TMEM100: variants seen among roughly 807,000 people sequenced by gnomAD.
The protein encoded by TMEM100 is transmembrane protein 100.
For synonymous variants in TMEM100, 61 were observed against 67.1 expected, an observed-to-expected ratio of 0.91 and a Z score of 0.44; for missense variants, 137 against 168.2, an observed-to-expected ratio of 0.81 and a Z score of 1.02.
chr17:55,731,290 G>A (rs544596300), intron 1 of TMEM100, among the ~76,000 whole-genome samples: 1 of 152,214 alleles, frequency 6.6e-6, no homozygotes, highest in Non-Finnish European at 1.5e-5. Flanking sequence ...CCTTTTTCTA[G>A]AATCTAGGTT....
At chr17:55,721,848 A>C (rs927022573) in intron 1 of TMEM100, 6 of 152,220 alleles carry the variant, frequency 3.9e-5, no homozygotes, top group Middle Eastern at 3.2e-3. Context: ...AGAAAAAAAA[A>C]TTCAACCCCT....
intron 1 of TMEM100, among the ~76,000 whole-genome samples, chr17:55,731,317 G>A (rs1444888164): frequency 6.6e-6 from 1 of 152,074 alleles, no homozygotes; most frequent in Non-Finnish European, 1.5e-5. Context: ...TGAGGTTTTG[G>A]ATCGCTTCCA....
intron 1 of TMEM100, among the ~76,000 whole-genome samples, chr17:55,729,866 T>G (rs1269729544): frequency 6.6e-6 from 1 of 152,180 alleles, no homozygotes; most frequent in African/African-American, 2.4e-5. Flanking sequence ...TATTTTAAAA[T>G]AAGCACTACA....
At chr17:55,727,443 GT>G (rs564453831), upstream of TMEM100, among the ~76,000 whole-genome samples, 8 of 150,530 alleles carry the variant, frequency 5.3e-5, no homozygotes, top group East Asian at 1.9e-4. Context: ...CACCATACTT[GT>G]TTTTTTTTCA....
chr17:55,720,754 C>G lies in TMEM100; in HGVS notation c.317G>C (p.Cys106Ser). 6.2e-7 allele frequency: 1 copy of G among 1,614,214 alleles called. No homozygotes were observed. Among genetic ancestry groups the G allele is most frequent in the Non-Finnish European group, 8.5e-7 (1 of 1,180,036 alleles). The change falls in exon 2 of 2, where the codon TGC becomes TCC. Residue 106 changes from cysteine to serine, a missense_variant. Transcript: ENST00000424486. ...GLFLLASSAL[C>S]WKVRQRSKKA... is the part of the protein sequence containing the mutation. ...CTTGCTCCTTTGTCTCACTTTCCAGCACAAGGCACTGGAGGCTAGTAAAAA... is the reference window on the plus strand; with the variant it reads ...CTTGCTCCTTTGTCTCACTTTCCAGGACAAGGCACTGGAGGCTAGTAAAAA...
chr17:55,721,313 G>A (rs1004250445), intron 1 of TMEM100, 178 bp from the exon 2 acceptor site: 5 of 454,826 alleles, frequency 1.1e-5, no homozygotes. Context: ...ATAAGATGAA[G>A]CAGATGCATA....
chr17:55,731,827 A>G (rs1186151641), exon 1 of TMEM100: 2 of 152,240 alleles, frequency 1.3e-5, no homozygotes, highest in Non-Finnish European at 2.9e-5. Flanking sequence ...CCCAAAGCCA[A>G]TGCAGTAAGG....
upstream of TMEM100, among the ~76,000 whole-genome samples, chr17:55,726,269 T>C (rs560651350): frequency 3.3e-5 from 5 of 151,394 alleles, no homozygotes; most frequent in South Asian, 6.3e-4. Flanking sequence ...AAAAATCTCA[T>C]TTTTTTTTCT....
Position 55,720,573 on chromosome 17 carries a change from G to A in TMEM100, c.*93C>T, listed in dbSNP as rs907698415. The A allele has an allele frequency of 1.5e-5, 16 of 1,091,960 alleles. No homozygotes were observed. Among genetic ancestry groups the A allele is most frequent in the Non-Finnish European group, 1.7e-5 (14 of 811,866 alleles). 67.6% of individuals were successfully genotyped at this position (1,091,960 alleles called of 1,614,324 possible). A position where few individuals can be genotyped will look rare whatever the true frequency, so the allele number is the denominator to read the frequency against. ...TTCTTCCAGTCTGCTCCAACGCCAAGTCTGTTCTCTCCCACCATGGTTCTG... is the reference window on the plus strand; with the variant it reads ...TTCTTCCAGTCTGCTCCAACGCCAAATCTGTTCTCTCCCACCATGGTTCTG... On this transcript the variant is annotated 3_prime_UTR_variant, in exon 2 of 2. Coordinates refer to ENST00000424486, the MANE Select transcript of TMEM100 (RefSeq NM_018286.3).
chr17:55,724,399 T>G (rs1258669812), upstream of TMEM100, among the ~76,000 whole-genome samples: 2 of 152,202 alleles, frequency 1.3e-5, no homozygotes, highest in Non-Finnish European at 2.9e-5. Flanking sequence ...TTGGTCACCA[T>G]GATCCTCACA....
At chr17:55,727,682 G>T (rs1412073416), upstream of TMEM100, 1 of 152,150 alleles carries the variant, frequency 6.6e-6, no homozygotes, top group Admixed American at 6.5e-5. Flanking sequence ...ATCTGATACT[G>T]GAAATTGGAA....
intron 1 of TMEM100, 189 bp from the exon 2 acceptor site, chr17:55,721,324 T>C (rs1908880303): frequency 4.7e-6 from 2 of 429,762 alleles, no homozygotes; most frequent in South Asian, 1.1e-4. Flanking sequence ...CAGATGCATA[T>C]GAAGGGAAGA....
At chr17:55,727,315 C>T (rs1322000164), upstream of TMEM100, among the ~76,000 whole-genome samples, 11 of 152,200 alleles carry the variant, frequency 7.2e-5, no homozygotes, top group Admixed American at 3.9e-4. Context: ...GCCCGAAGTT[C>T]GAGAGTTACC....
At chr17:55,727,702 C>T (rs1909106291), upstream of TMEM100, 2 of 152,204 alleles carry the variant, frequency 1.3e-5, no homozygotes, top group Admixed American at 6.5e-5. Flanking sequence ...AATCACCTCG[C>T]AACATGTAAA....
chr17:55,728,660 G>T (rs1195741751), intron 1 of TMEM100, among the ~76,000 whole-genome samples: 2 of 152,196 alleles, frequency 1.3e-5, no homozygotes, highest in African/African-American at 4.8e-5. Flanking sequence ...GCAAAGCATG[G>T]TCTCTGCTTT....
upstream of TMEM100, among the ~76,000 whole-genome samples, chr17:55,725,780 C>G (rs923161977): frequency 2.0e-5 from 3 of 148,388 alleles, no homozygotes; most frequent in Admixed American, 6.8e-5. Context: ...GAAAGGGCAT[C>G]AAGTTTGAGA....
chr17:55,731,083 C>A (rs1409535125), intron 1 of TMEM100, among the ~76,000 whole-genome samples: 1 of 152,174 alleles, frequency 6.6e-6, no homozygotes, highest in African/African-American at 2.4e-5. Context: ...TACATTTGTA[C>A]CCAGTTAATG....
In TMEM100 at chr17:55,720,938, C is replaced by G; in HGVS notation, c.133G>C (p.Ala45Pro). ...CAGGAGAGCTCGGTACCCCCTGTAGCAGCCATCAACTGAATCTCACTGACC... is the reference window on the plus strand; with the variant it reads ...CAGGAGAGCTCGGTACCCCCTGTAGGAGCCATCAACTGAATCTCACTGACC... ...PLVSEIQLMA[A>P]TGGTELSCYR... is the part of the protein sequence containing the mutation. Residue 45 changes from alanine to proline, a missense_variant, in exon 2 of 2, where the codon GCT becomes CCT. Ala to Pro is a conservative substitution (Grantham distance 27). Coordinates refer to ENST00000424486, the MANE Select transcript of TMEM100 (RefSeq NM_018286.3). The G allele has an allele frequency of 6.2e-7, 1 of 1,614,218 alleles. No individual in the cohort carries two copies. The highest frequency in any genetic ancestry group is 8.5e-7 in the Non-Finnish European group (1 of 1,180,034).
chr17:55,731,963 G>A (rs1244143510), exon 1 of TMEM100: 1 of 152,196 alleles, frequency 6.6e-6, no homozygotes, highest in African/African-American at 2.4e-5. Context: ...CGGAGACCTC[G>A]GTTCACAGTT....
Sources: gnomAD v4.1 joint callset for allele counts (sites outside exome capture counted in the v4.1 genomes callset) on GRCh38, gnomAD v4.1.1 for gene constraint, MANE v1.5 for transcripts, NCBI Gene and HGNC (gene_info 2026-07-23, HGNC 2026-07-21) for gene names.